TAS2R1: variants seen among roughly 807,000 people sequenced by gnomAD.
TAS2R1 encodes taste 2 receptor member 1, also known as taste receptor type 2 member 1.
For missense variants in TAS2R1, 370 were observed against 353.4 expected, an observed-to-expected ratio of 1.05 and a Z score of -0.38; for synonymous variants, 141 against 134.2, an observed-to-expected ratio of 1.05 and a Z score of -0.35.
the TAS2R1 span, among the ~76,000 whole-genome samples, chr5:9,735,873 T>A: frequency 6.6e-6 from 1 of 152,144 alleles, no homozygotes; most frequent in African/African-American, 2.4e-5. Flanking sequence ...CCTATAACAA[T>A]CATCTTTCCC....
intron 1 of TAS2R1, among the ~76,000 whole-genome samples, chr5:9,669,932 C>T (rs1023574878): frequency 2.0e-5 from 3 of 151,412 alleles, no homozygotes; most frequent in African/African-American, 7.3e-5. Context: ...AATTGAGACA[C>T]AAAAAAACAT....
upstream of TAS2R1, among the ~76,000 whole-genome samples, chr5:9,632,952 A>G (rs1739895670): frequency 6.6e-6 from 1 of 151,940 alleles, no homozygotes; most frequent in South Asian, 2.1e-4. Flanking sequence ...TCCTTTCCAG[A>G]AAGTTTTCAA....
chr5:9,880,421 C>G, the TAS2R1 span, among the ~76,000 whole-genome samples: 2 of 152,172 alleles, frequency 1.3e-5, no homozygotes, highest in Non-Finnish European at 2.9e-5. Flanking sequence ...AACCTAAGTA[C>G]AGTTAAACCT....
At chr5:9,743,908 G>T in the TAS2R1 span, among the ~76,000 whole-genome samples, 1 of 152,138 alleles carries the variant, frequency 6.6e-6, no homozygotes, top group Non-Finnish European at 1.5e-5. Context: ...TTTAGGACAT[G>T]AAATTCCATT....
chr5:9,742,895 G>C, the TAS2R1 span, among the ~76,000 whole-genome samples: 1 of 150,982 alleles, frequency 6.6e-6, no homozygotes, highest in East Asian at 1.9e-4. Flanking sequence ...AATTAAAACT[G>C]AACCAAAAAA....
chr5:9,818,217 A>G, the TAS2R1 span, among the ~76,000 whole-genome samples: 5 of 152,190 alleles, frequency 3.3e-5, no homozygotes, highest in Non-Finnish European at 7.3e-5. Context: ...AAATTGTGTT[A>G]TACAAGTGGG....
intron 1 of TAS2R1, among the ~76,000 whole-genome samples, chr5:9,678,638 A>G (rs563493267): frequency 1.3e-5 from 2 of 152,316 alleles, no homozygotes; most frequent in East Asian, 1.9e-4. Context: ...GCAGGGACAC[A>G]GATGGACCTG....
At chr5:9,838,076 A>C in the TAS2R1 span, among the ~76,000 whole-genome samples, 1 of 152,330 alleles carries the variant, frequency 6.6e-6, no homozygotes, top group African/African-American at 2.4e-5. Context: ...TGAAATGCAG[A>C]GACAACCCCC....
the TAS2R1 span, among the ~76,000 whole-genome samples, chr5:9,726,867 G>A: frequency 2.6e-4 from 39 of 152,188 alleles, no homozygotes; most frequent in Non-Finnish European, 4.7e-4. Context: ...TGATAAGAAA[G>A]TGCTAATTAG....
At chr5:9,726,055 G>T in the TAS2R1 span, among the ~76,000 whole-genome samples, 1 of 150,590 alleles carries the variant, frequency 6.6e-6, no homozygotes, top group Non-Finnish European at 1.5e-5. Context: ...TGCACCAATC[G>T]ACACCCTGTA....
At chr5:9,879,204 A>G in the TAS2R1 span, among the ~76,000 whole-genome samples, 1 of 152,248 alleles carries the variant, frequency 6.6e-6, no homozygotes, top group Non-Finnish European at 1.5e-5. Context: ...ACACATGGTG[A>G]ACAAACTGTC....
intron 1 of TAS2R1, among the ~76,000 whole-genome samples, chr5:9,692,460 A>T (rs1741264868): frequency 6.6e-6 from 1 of 152,226 alleles, no homozygotes; most frequent in African/African-American, 2.4e-5. Context: ...GGTTGTAGAT[A>T]TCCTCAAAGT....
the TAS2R1 span, among the ~76,000 whole-genome samples, chr5:9,727,175 G>A: frequency 6.6e-6 from 1 of 152,276 alleles, no homozygotes; most frequent in South Asian, 2.1e-4. Context: ...TCATATTGTA[G>A]ACAGTTTATT....
chr5:9,787,388 A>C, the TAS2R1 span, among the ~76,000 whole-genome samples: 3 of 152,098 alleles, frequency 2.0e-5, no homozygotes, highest in Non-Finnish European at 4.4e-5. Context: ...ATGTGTCTCC[A>C]TTTTTTCTTT....
the TAS2R1 span, among the ~76,000 whole-genome samples, chr5:9,782,462 G>C: frequency 6.6e-6 from 1 of 151,850 alleles, no homozygotes; most frequent in East Asian, 1.9e-4. Flanking sequence ...TGGGTGGGGC[G>C]GGGCGGGGCT....
chr5:9,796,741 AAAAG>A, the TAS2R1 span, among the ~76,000 whole-genome samples: 1 of 147,930 alleles, frequency 6.8e-6, no homozygotes, highest in South Asian at 2.3e-4. Context: ...AAAAAAAAAG[AAAAG>A]AAAAAAAAAA....
the TAS2R1 span, chr5:9,883,351 C>T: frequency 6.6e-6 from 1 of 152,166 alleles, no homozygotes; most frequent in Non-Finnish European, 1.5e-5. Context: ...CAAAGCTGCA[C>T]ATCCTGCATA....
intron 1 of TAS2R1, among the ~76,000 whole-genome samples, chr5:9,660,614 C>G (rs774448200): frequency 1.6e-4 from 25 of 152,122 alleles, no homozygotes; most frequent in Non-Finnish European, 2.9e-4. Context: ...ATGACAGTCC[C>G]CCTTGGATAT....
chr5:9,688,893 C>A (rs1356540214), intron 1 of TAS2R1, among the ~76,000 whole-genome samples: 1 of 152,168 alleles, frequency 6.6e-6, no homozygotes, highest in African/African-American at 2.4e-5. Context: ...CCTGTGTTCA[C>A]AGCTTTCTGC....
Sources: gnomAD v4.1 joint callset for allele counts (sites outside exome capture counted in the v4.1 genomes callset) on GRCh38, gnomAD v4.1.1 for gene constraint, MANE v1.5 for transcripts, NCBI Gene and HGNC (gene_info 2026-07-23, HGNC 2026-07-21) for gene names.